The following GARNL3 variants were observed in gnomAD, a reference collection of about 807,000 sequenced individuals.
GARNL3 encodes the protein GTPase activating Rap/RanGAP domain like 3.
In GARNL3, 63 loss-of-function variants were observed where a neutral mutation model predicts 125.0. That is an observed-to-expected ratio of 0.50 (90% CI 0.41 to 0.62). The LOEUF is 0.62. GARNL3 is among the 20% of genes least tolerant of loss of function. The pLI, the probability that GARNL3 is intolerant of heterozygous loss-of-function variation, is 0.00. For missense variants in GARNL3, 994 were observed against 1,244.0 expected (o/e 0.80, Z 3.02); for synonymous variants, 439 against 457.5 (o/e 0.96, Z 0.52).
rs527401708 is a variant in GARNL3, at chr9:127,368,677, G to A, written c.2161+3311G>A. ...GGGCCAAGTGCAGTGGCTCACGCCT[G>A]TAATCCCAGCACTTTGAGAGGCTGA... On this transcript the variant is annotated intron_variant, in intron 22 of 27. Transcript: ENST00000373387. 1.6e-4 allele frequency among the ~76,000 whole-genome samples: 24 copies of A among 148,692 alleles called. No individual in the cohort carries two copies. The East Asian group carries it at 4.9e-3, about 30-fold the overall frequency.
At chr9:127,390,808 A>G (rs369121846) in intron 27 of GARNL3, 41 bp downstream of exon 27, 8 of 1,599,040 alleles carry the variant, frequency 5.0e-6, no homozygotes, top group Non-Finnish European at 6.0e-6. Context: ...TGGTGGACCT[A>G]TGAGTCACAG....
At chr9:127,368,330 C>CTT (rs113907432) in intron 22 of GARNL3, among the ~76,000 whole-genome samples, 16 of 128,966 alleles carry the variant, frequency 1.2e-4, no homozygotes, top group East Asian at 1.1e-3. Context: ...AAATACATTT[C>CTT]TTTTTTTTTT....
intron 22 of GARNL3, among the ~76,000 whole-genome samples, chr9:127,366,263 C>T (rs534907407): frequency 6.8e-4 from 104 of 152,278 alleles, no homozygotes; most frequent in African/African-American, 2.4e-3. Flanking sequence ...TTTCAAAATT[C>T]GAGATTTATG....
At chr9:127,328,320 T>C (rs1303603572) in intron 7 of GARNL3, among the ~76,000 whole-genome samples, 1 of 152,210 alleles carries the variant, frequency 6.6e-6, no homozygotes, top group Non-Finnish European at 1.5e-5. Context: ...GAGAGCTGTG[T>C]GGCGAGGCAC....
intron 2 of GARNL3, among the ~76,000 whole-genome samples, chr9:127,299,847 G>A (rs913543566): frequency 1.3e-5 from 2 of 152,118 alleles, no homozygotes; most frequent in Non-Finnish European, 2.9e-5. Context: ...TTACAGGTGT[G>A]AGCCACCGTG....
intron 22 of GARNL3, among the ~76,000 whole-genome samples, chr9:127,375,309 A>G (rs1390801510): frequency 6.6e-6 from 1 of 151,446 alleles, no homozygotes; most frequent in Non-Finnish European, 1.5e-5. Flanking sequence ...CTGAAAATAC[A>G]AAAAAAATTA....
rs1832515163 is a variant in GARNL3 at position 127,385,862 on chromosome 9, T to TA, written c.2388+718dup. 6.6e-6 allele frequency among the ~76,000 whole-genome samples: 1 copy of TA among 152,248 alleles called. No individual in the cohort carries two copies. Among genetic ancestry groups the TA allele is most frequent in the African/African-American group, 2.4e-5 (1 of 41,470 alleles). ...TGTGAGAGCAGATGCCATGCTGTCTTACCATCATAGTACCAGTGGTGTGCT... is the reference window on the plus strand; with the variant it reads ...TGTGAGAGCAGATGCCATGCTGTCTTAACCATCATAGTACCAGTGGTGTGCT... On this transcript the variant is annotated intron_variant, in intron 24 of 27. Coordinates refer to ENST00000373387, the MANE Select transcript of GARNL3 (RefSeq NM_032293.5). The surrounding 1 kb of genome is among the most constrained non-coding windows in gnomAD (Gnocchi z 4.1).
chr9:127,347,531 G>T (rs1213235059), intron 16 of GARNL3, among the ~76,000 whole-genome samples: 1 of 152,172 alleles, frequency 6.6e-6, no homozygotes, highest in Non-Finnish European at 1.5e-5. Context: ...TAGGGCCCTT[G>T]AATCTTATGG....
chr9:127,225,839 C>T (rs931889282), intron 1 of GARNL3, among the ~76,000 whole-genome samples: 1 of 151,286 alleles, frequency 6.6e-6, no homozygotes, highest in South Asian at 2.1e-4. Flanking sequence ...CCCTCGCGCC[C>T]CTTGCGCCCC....
At chr9:127,381,576 T>C (rs1157289011) in intron 22 of GARNL3, among the ~76,000 whole-genome samples, 1 of 152,006 alleles carries the variant, frequency 6.6e-6, no homozygotes, top group Non-Finnish European at 1.5e-5. Flanking sequence ...TACTCAGATA[T>C]CTAGCTTCTA....
At chr9:127,226,376 C>T (rs2062914304) in intron 1 of GARNL3, among the ~76,000 whole-genome samples, 1 of 152,248 alleles carries the variant, frequency 6.6e-6, no homozygotes, top group Non-Finnish European at 1.5e-5. Flanking sequence ...GCATTCCCTG[C>T]CTCACCCTTG....
At chr9:127,328,256 T>G (rs1344449290) in intron 7 of GARNL3, among the ~76,000 whole-genome samples, 1 of 152,156 alleles carries the variant, frequency 6.6e-6, no homozygotes, top group Non-Finnish European at 1.5e-5. Flanking sequence ...CACTAGTCAC[T>G]TGTCATGACA....
At position 127,346,539 on chromosome 9, in the gene GARNL3, G is replaced by A. The variant is rs776154902; in HGVS notation, c.1431+1062G>A. On this transcript the variant is annotated intron_variant, in intron 16 of 27. Transcript: ENST00000373387. ...GTAGGAATTTACTGTTTCCAAGTAC[G>A]TTATAGATACCAGATTCCAGTAAGA... 5.9e-5 allele frequency among the ~76,000 whole-genome samples: 9 copies of A among 152,184 alleles called. No individual in the cohort carries two copies. In the South Asian group the frequency reaches 6.2e-4, roughly 11 times the overall value.
chr9:127,235,534 C>T lies in GARNL3; in HGVS notation c.-28-7545C>T, dbSNP rs529822748. Among the ~76,000 whole-genome samples the T allele has an allele frequency of 2.2e-4, 33 of 152,102 alleles. No homozygotes were observed. In the South Asian group the frequency reaches 6.5e-3, roughly 30 times the overall value. On this transcript the variant is annotated intron_variant, in intron 1 of 10. Coordinates refer to the GARNL3 transcript ENST00000439286. ...ACTTTGATTAATTGTTCATATAAAT[C>T]CCAAGTGAAATGTAGACTTGAGACT...
intron 21 of GARNL3, among the ~76,000 whole-genome samples, chr9:127,359,244 C>T (rs921560211): frequency 1.3e-5 from 2 of 152,198 alleles, no homozygotes; most frequent in African/African-American, 4.8e-5. Flanking sequence ...AATCCCAGCA[C>T]TTTGGGCGGC....
intron 14 of GARNL3, among the ~76,000 whole-genome samples, chr9:127,342,550 G>A (rs922640540): frequency 5.9e-5 from 9 of 152,150 alleles, no homozygotes; most frequent in Admixed American, 4.6e-4. Context: ...GCGATTTCCA[G>A]AAAGCCAGGG....
At chr9:127,355,070 G>A (rs1830615269) in intron 19 of GARNL3, among the ~76,000 whole-genome samples, 1 of 152,158 alleles carries the variant, frequency 6.6e-6, no homozygotes, top group African/African-American at 2.4e-5. Flanking sequence ...TGGGATTATA[G>A]GCGTGAACCA....
Position 127,387,285 on chromosome 9 carries a change from A to T in GARNL3, c.2481A>T (p.Thr827=), listed in dbSNP as rs200452737. 1 of 1,613,792 alleles carries T rather than the reference A, an allele frequency of 6.2e-7. No individual in the cohort carries two copies. The highest frequency in any genetic ancestry group is 8.5e-7 in the Non-Finnish European group (1 of 1,179,916). The change falls in exon 25 of 28, where the codon ACA becomes ACT. Residue 827 remains threonine, a synonymous_variant. Coordinates refer to ENST00000373387, the MANE Select transcript of GARNL3 (RefSeq NM_032293.5). ...KGASARNSPQ[T]PPGRDTPVFP... ...CCAGTGCCCGAAATTCTCCTCAGAC[A>T]CCCCCGGGCCGAGATACTCCAGTAT...
At chr9:127,258,492 AG>A (rs1177042319) in intron 2 of GARNL3, among the ~76,000 whole-genome samples, 1 of 152,112 alleles carries the variant, frequency 6.6e-6, no homozygotes, top group Non-Finnish European at 1.5e-5. Flanking sequence ...TATGAAAATT[AG>A]CCGGGTGTGG....
Sources: allele counts gnomAD v4.1 joint callset (sites outside exome capture counted in the v4.1 genomes callset), GRCh38; gene constraint gnomAD v4.1.1; non-coding constraint Gnocchi (gnomAD v3.1); transcripts MANE v1.5; gene names NCBI Gene and HGNC (gene_info 2026-07-23, HGNC 2026-07-21).